PRCP: variants seen among roughly 807,000 people sequenced by gnomAD.
PRCP encodes the protein prolylcarboxypeptidase, also known as lysosomal Pro-X carboxypeptidase.
PRCP carries 46 observed loss-of-function variants against 54.2 expected under a neutral mutation model. The ratio of observed to expected loss-of-function variants is 0.85; its 90% CI spans 0.67 to 1.09. The LOEUF (loss-of-function observed/expected upper bound fraction) is 1.09. Among genes scored for constraint, PRCP ranks in the 50% least tolerant of loss-of-function variants. The pLI is 0.00. For missense variants in PRCP, 613 were observed against 596.8 expected (o/e 1.03, Z -0.28); for synonymous variants, 240 against 212.2 (o/e 1.13, Z -1.14).
In PRCP at chr11:82,823,081, A is replaced by G. The variant is rs1858134929; in HGVS notation, c.*1825T>C. 6.6e-6 allele frequency among the ~76,000 whole-genome samples: 1 copy of G among 152,192 alleles called. No individual in the cohort carries two copies. The highest frequency in any genetic ancestry group is 2.4e-5 in the African/African-American group (1 of 41,452). On this transcript the variant is annotated 3_prime_UTR_variant, in exon 9 of 9. Coordinates refer to ENST00000313010, the MANE Select transcript of PRCP (RefSeq NM_005040.4). ...CTCACTTCAATTAAGGCTGCTATCT[A>G]TATTCCTAAAATGCATACAGTAATA...
intron 1 of PRCP, among the ~76,000 whole-genome samples, chr11:82,894,856 C>T (rs973993307): frequency 1.3e-5 from 2 of 152,110 alleles, no homozygotes; most frequent in Non-Finnish European, 2.9e-5. Context: ...AGGGTAAATT[C>T]ATTACCATAT....
intron 6 of PRCP, 48 bp from the exon 7 acceptor site, chr11:82,839,473 A>T (rs749040395): frequency 7.7e-5 from 118 of 1,525,744 alleles, no homozygotes; most frequent in Non-Finnish European, 1.0e-4. Flanking sequence ...ATATGAATAT[A>T]AAATGACAGT....
intron 8 of PRCP, chr11:82,835,611 C>A: frequency 9.6e-6 from 3 of 311,380 alleles, no homozygotes; most frequent in South Asian, 5.7e-5. Context: ...AGAGAAAAAC[C>A]AGCCGAAGAA....
At chr11:82,890,950 G>A (rs971092921) in intron 1 of PRCP, among the ~76,000 whole-genome samples, 1 of 152,072 alleles carries the variant, frequency 6.6e-6, no homozygotes, top group African/African-American at 2.4e-5. Flanking sequence ...ATGCAGTGTT[G>A]AGAAGATCAT....
chr11:82,840,350 G>C (rs1858632254), intron 6 of PRCP: 4 of 151,974 alleles, frequency 2.6e-5, no homozygotes, highest in Admixed American at 2.6e-4. Flanking sequence ...ATGGTATCTA[G>C]ATTTCACCCC....
At chr11:82,828,902 T>C (rs753908164) in intron 8 of PRCP, 24 of 152,220 alleles carry the variant, frequency 1.6e-4, no homozygotes, top group Non-Finnish European at 3.2e-4. Context: ...ATCCTTTCCA[T>C]TGTTCAGGCC....
chr11:82,889,596 G>A (rs1047377543), intron 1 of PRCP, among the ~76,000 whole-genome samples: 1 of 152,052 alleles, frequency 6.6e-6, no homozygotes, highest in African/African-American at 2.4e-5. Flanking sequence ...AACAGCTCCT[G>A]GAGGAGGCAG....
intron 1 of PRCP, among the ~76,000 whole-genome samples, chr11:82,864,029 G>A (rs1859273416): frequency 1.3e-5 from 2 of 152,190 alleles, no homozygotes; most frequent in South Asian, 4.1e-4. Context: ...TTTCTGTGAG[G>A]ATAGGGAAAA....
At chr11:82,852,926 C>T (rs1858990948) in intron 3 of PRCP, among the ~76,000 whole-genome samples, 1 of 151,980 alleles carries the variant, frequency 6.6e-6, no homozygotes, top group African/African-American at 2.4e-5. Flanking sequence ...GTCTCTGCAG[C>T]CACAGAGTAA....
intron 7 of PRCP, among the ~76,000 whole-genome samples, 174 bp from the exon 8 acceptor site, chr11:82,838,748 A>G (rs1445020483): frequency 1.3e-5 from 2 of 152,224 alleles, no homozygotes; most frequent in African/African-American, 4.8e-5. Flanking sequence ...ATTATTCTTA[A>G]AAAGACTTGG....
chr11:82,880,344 C>G (rs1859716851), intron 1 of PRCP, among the ~76,000 whole-genome samples: 1 of 152,212 alleles, frequency 6.6e-6, no homozygotes, highest in Admixed American at 6.5e-5. Flanking sequence ...CTGAGCCAGG[C>G]ACAGGATATA....
intron 6 of PRCP, among the ~76,000 whole-genome samples, chr11:82,841,413 T>C (rs993866990): frequency 2.0e-5 from 3 of 152,222 alleles, no homozygotes; most frequent in African/African-American, 7.2e-5. Flanking sequence ...CCAGATAGTT[T>C]TGAGAAACTG....
intron 1 of PRCP, among the ~76,000 whole-genome samples, chr11:82,887,852 G>A (rs1859901722): frequency 6.6e-6 from 1 of 152,136 alleles, no homozygotes; most frequent in African/African-American, 2.4e-5. Flanking sequence ...ACATCCAGGA[G>A]GAAAGAATGC....
chr11:82,868,600 T>C (rs1250830157), intron 1 of PRCP, among the ~76,000 whole-genome samples: 6 of 152,166 alleles, frequency 3.9e-5, no homozygotes, highest in Non-Finnish European at 1.5e-5. Flanking sequence ...AAGAATTTTT[T>C]TTTTTCAGGT....
chr11:82,879,733 G>T (rs968034098), intron 1 of PRCP, among the ~76,000 whole-genome samples: 1 of 152,226 alleles, frequency 6.6e-6, no homozygotes, highest in Non-Finnish European at 1.5e-5. Context: ...TGTCCTTTCT[G>T]TTTGTTAGTT....
chr11:82,889,995 G>C (rs1243300277), intron 1 of PRCP, among the ~76,000 whole-genome samples: 4 of 151,496 alleles, frequency 2.6e-5, no homozygotes, highest in Non-Finnish European at 4.4e-5. Context: ...GCAAAAAGGG[G>C]CTGTAATCAC....
rs1042140313 is a variant in PRCP, at chr11:82,847,115, A to C, written c.921+1934T>G. On this transcript the variant is annotated intron_variant, in intron 6 of 8. Transcript: ENST00000313010. ...TAAAAATATAGCCCTTTGAATGCAGAAAGTTTCTCAACCTCTGTTCTAAAT... is the reference window on the plus strand; with the variant it reads ...TAAAAATATAGCCCTTTGAATGCAGCAAGTTTCTCAACCTCTGTTCTAAAT... Among the ~76,000 whole-genome samples, 14 of 152,260 alleles carry C rather than the reference A, an allele frequency of 9.2e-5. No individual in the cohort carries two copies. The South Asian group carries it at 2.7e-3, about 29-fold the overall frequency.
chr11:82,883,411 C>T (rs941055518), intron 1 of PRCP, among the ~76,000 whole-genome samples: 2 of 152,154 alleles, frequency 1.3e-5, no homozygotes, highest in Non-Finnish European at 2.9e-5. Flanking sequence ...ACCCAATATA[C>T]TGTGTACAAA....
intron 1 of PRCP, among the ~76,000 whole-genome samples, chr11:82,890,573 A>C (rs1423023599): frequency 6.6e-6 from 1 of 152,018 alleles, no homozygotes; most frequent in Non-Finnish European, 1.5e-5. Context: ...CCCATCTTAA[A>C]AATGGGAACC....
Sources: allele counts gnomAD v4.1 joint callset (sites outside exome capture counted in the v4.1 genomes callset), GRCh38; gene constraint gnomAD v4.1.1; transcripts MANE v1.5; gene names NCBI Gene and HGNC (gene_info 2026-07-23, HGNC 2026-07-21).